The following BACH2 variants were observed in gnomAD, a reference collection of about 807,000 sequenced individuals.
BACH2 encodes BACH transcriptional regulator 2.
BACH2 carries 5 observed loss-of-function variants against 61.8 expected under a neutral mutation model. The observed-to-expected ratio is 0.08, with a 90% confidence interval of 0.04 to 0.17. BACH2 has a LOEUF of 0.17. Ranked by LOEUF, BACH2 falls within the 10% of genes least tolerant of loss-of-function variation. BACH2 has a pLI of 1.00. For missense variants in BACH2, 824 were observed against 1,091.1 expected (o/e 0.76, Z 3.45); for synonymous variants, 446 against 440.1 (o/e 1.01, Z -0.17).
At chr6:90,100,490 G>A (rs1782566726) in intron 4 of BACH2, among the ~76,000 whole-genome samples, 1 of 151,998 alleles carries the variant, frequency 6.6e-6, no homozygotes, top group Non-Finnish European at 1.5e-5. Context: ...TCAGTTGAAG[G>A]CCTTAAGAAA....
intron 5 of BACH2, among the ~76,000 whole-genome samples, chr6:90,060,323 A>G (rs1286141140): frequency 6.6e-6 from 1 of 151,836 alleles, no homozygotes; most frequent in South Asian, 2.1e-4. Context: ...AAACTTATTA[A>G]CCTCTCTTCC....
chr6:90,017,185 CATT>C (rs1778114262), intron 5 of BACH2, among the ~76,000 whole-genome samples: 1 of 151,830 alleles, frequency 6.6e-6, no homozygotes, highest in African/African-American at 2.4e-5. Context: ...CACAAATGCC[CATT>C]TTTTTTTTCT....
intron 4 of BACH2, among the ~76,000 whole-genome samples, chr6:90,180,530 T>A (rs1395044882): frequency 6.6e-6 from 1 of 152,106 alleles, no homozygotes; most frequent in Admixed American, 6.6e-5. Context: ...CAACCACCTC[T>A]CAACCTCCTC....
chr6:90,270,795 C>T (rs1002355077), intron 2 of BACH2, among the ~76,000 whole-genome samples: 2 of 152,104 alleles, frequency 1.3e-5, no homozygotes, highest in Non-Finnish European at 2.9e-5. Context: ...AAGAAGAAAT[C>T]TGGAGGCATC....
chr6:90,055,580 G>C (rs9444737), intron 5 of BACH2, among the ~76,000 whole-genome samples: 18,368 of 148,152 alleles, frequency 0.12, 3,715 homozygotes, highest in African/African-American at 0.43. Flanking sequence ...CTTCCCCAAT[G>C]TAGCAAGGCA....
intron 4 of BACH2, among the ~76,000 whole-genome samples, chr6:90,100,035 G>T (rs1342606011): frequency 6.6e-6 from 1 of 152,008 alleles, no homozygotes; most frequent in African/African-American, 2.4e-5. Context: ...CTATTATGAG[G>T]CCTTTTGTGT....
chr6:89,938,408 G>A lies in BACH2; in HGVS notation c.1837-58C>T, dbSNP rs1028341942. On this transcript the variant is annotated intron_variant, in intron 7 of 8. Coordinates refer to ENST00000257749, the MANE Select transcript of BACH2 (RefSeq NM_021813.4). The stretch of plus-strand genomic sequence containing the variant: ...CAGCTGGATTTTAATTCTGGCAGGC[G>A]GAACATCAAAAATGATAAAACCTCC... The A allele has an allele frequency of 2.6e-5, 38 of 1,469,318 alleles. No individual in the cohort carries two copies. The Middle Eastern group carries it at 1.1e-3, about 44-fold the overall frequency. The allele number at this position is 1,469,318 out of a possible 1,614,324, so 91.0% of individuals were successfully genotyped here. A position where few individuals can be genotyped will look rare whatever the true frequency, so the allele number is the denominator to read the frequency against.
intron 4 of BACH2, among the ~76,000 whole-genome samples, chr6:90,096,616 T>TAC (rs1032360211): frequency 6.6e-6 from 1 of 152,072 alleles, no homozygotes; most frequent in African/African-American, 2.4e-5. Context: ...GTTTGCAGAG[T>TAC]ACAGTGACAG....
intron 5 of BACH2, among the ~76,000 whole-genome samples, chr6:90,031,154 A>G (rs1399814558): frequency 3.9e-5 from 6 of 151,998 alleles, no homozygotes; most frequent in African/African-American, 1.5e-4. Context: ...AAATTCAACA[A>G]CCTTCATGCT....
At chr6:90,073,260 G>A (rs962937441) in intron 5 of BACH2, among the ~76,000 whole-genome samples, 4 of 152,020 alleles carry the variant, frequency 2.6e-5, no homozygotes, top group African/African-American at 9.7e-5. Flanking sequence ...GATCACCTCA[G>A]CTTTCCCTCT....
intron 3 of BACH2, among the ~76,000 whole-genome samples, chr6:90,248,084 T>C (rs41506844): frequency 0.1 from 15,326 of 152,260 alleles, 1,090 homozygotes; most frequent in East Asian, 0.36. Context: ...TTCCTCATTG[T>C]GTCTCTTTGC....
chr6:90,248,417 C>T (rs1444006022), intron 3 of BACH2, among the ~76,000 whole-genome samples: 1 of 152,054 alleles, frequency 6.6e-6, no homozygotes, highest in African/African-American at 2.4e-5. Context: ...CTAATGGGCT[C>T]ATAGACTAAT....
At chr6:90,062,557 A>G (rs1415137542) in intron 5 of BACH2, among the ~76,000 whole-genome samples, 1 of 152,126 alleles carries the variant, frequency 6.6e-6, no homozygotes, top group Admixed American at 6.5e-5. Context: ...ACAAATAGCA[A>G]TTTCCTCTTG....
intron 5 of BACH2, among the ~76,000 whole-genome samples, chr6:90,072,346 G>A (rs1485364184): frequency 6.6e-6 from 1 of 152,138 alleles, no homozygotes; most frequent in Non-Finnish European, 1.5e-5. Context: ...GGTCACTCAG[G>A]GCCACAGGCT....
At chr6:90,254,201 T>C (rs1770903878) in intron 2 of BACH2, among the ~76,000 whole-genome samples, 2 of 151,400 alleles carry the variant, frequency 1.3e-5, no homozygotes. Context: ...TCTCAATATC[T>C]AGTATGAAGC....
intron 4 of BACH2, among the ~76,000 whole-genome samples, chr6:90,200,909 A>G (rs553105125): frequency 1.4e-4 from 22 of 152,230 alleles, no homozygotes; most frequent in Non-Finnish European, 2.2e-4. Flanking sequence ...TACAAGCAAA[A>G]TAAAGATAAT....
chr6:90,081,467 C>T (rs574753063), intron 5 of BACH2, among the ~76,000 whole-genome samples: 2 of 152,298 alleles, frequency 1.3e-5, no homozygotes, highest in South Asian at 4.1e-4. Context: ...AAACACCCTT[C>T]AATTGCTGTA....
At chr6:90,138,678 G>A (rs543158884) in intron 4 of BACH2, among the ~76,000 whole-genome samples, 52 of 152,050 alleles carry the variant, frequency 3.4e-4, no homozygotes, top group South Asian at 6.2e-4. Context: ...TAAATCCACC[G>A]AAGGACACAT....
intron 3 of BACH2, among the ~76,000 whole-genome samples, chr6:90,231,632 A>G (rs1770098514): frequency 2.6e-5 from 4 of 152,300 alleles, no homozygotes; most frequent in Admixed American, 2.6e-4. Flanking sequence ...TAGTCTACTC[A>G]TATCCTACTA....
Sources: gnomAD v4.1 joint callset for allele counts (sites outside exome capture counted in the v4.1 genomes callset) on GRCh38, gnomAD v4.1.1 for gene constraint, MANE v1.5 for transcripts, NCBI Gene and HGNC (gene_info 2026-07-23, HGNC 2026-07-21) for gene names.